Variants in FAM149B1 observed in about 807,000 individuals in gnomAD.
The protein encoded by FAM149B1 is family with sequence similarity 149 member B1.
Under a neutral mutation model 75.3 loss-of-function variants are expected in FAM149B1, and 56 were observed. That is an observed-to-expected ratio of 0.74 (90% CI 0.60 to 0.93). The LOEUF is 0.93. Ranked by LOEUF, FAM149B1 falls within the 40% of genes least tolerant of loss-of-function variation. The probability of loss-of-function intolerance (pLI) is 0.00; values close to 1 mark genes in which losing one functional copy is unlikely to be tolerated. For synonymous variants in FAM149B1, 259 were observed against 256.1 expected (o/e 1.01, Z -0.11); for missense variants, 639 against 708.4 (o/e 0.90, Z 1.11).
chr10:73,205,720 A>C (rs1439245008), intron 5 of FAM149B1, among the ~76,000 whole-genome samples: 1 of 151,830 alleles, frequency 6.6e-6, no homozygotes, highest in Non-Finnish European at 1.5e-5. Context: ...TGCCTGGCTA[A>C]TTTTTGTATT....
At chr10:73,187,057 T>C (rs889739953) in intron 3 of FAM149B1, among the ~76,000 whole-genome samples, 2 of 152,234 alleles carry the variant, frequency 1.3e-5, no homozygotes, top group Admixed American at 1.3e-4. Context: ...TAAAAATTTG[T>C]ATTTCTATAC....
intron 1 of FAM149B1, among the ~76,000 whole-genome samples, chr10:73,172,462 T>G (rs1472185228): frequency 6.6e-6 from 1 of 152,226 alleles, no homozygotes; most frequent in Non-Finnish European, 1.5e-5. Flanking sequence ...GCAGGTTACT[T>G]AATCCCTCTG....
intron 9 of FAM149B1, among the ~76,000 whole-genome samples, chr10:73,232,564 G>A (rs1452918351): frequency 6.6e-6 from 1 of 152,222 alleles, no homozygotes; most frequent in Non-Finnish European, 1.5e-5. Flanking sequence ...ACAAAAGAAT[G>A]CCTCAAACAG....
At chr10:73,207,698 T>C (rs1334897626) in intron 5 of FAM149B1, among the ~76,000 whole-genome samples, 1 of 152,208 alleles carries the variant, frequency 6.6e-6, no homozygotes, top group Non-Finnish European at 1.5e-5. Context: ...AGCCTACCGC[T>C]TGCACCTTGT....
In FAM149B1 at chr10:73,199,046, T is replaced by C. The variant is rs572615131; in HGVS notation, c.542+5453T>C. 3.3e-5 allele frequency among the ~76,000 whole-genome samples: 5 copies of C among 152,324 alleles called. 1 individual carries two copies. The South Asian group carries it at 1.0e-3, about 32-fold the overall frequency. On this transcript the variant is annotated intron_variant, in intron 5 of 13. Coordinates refer to ENST00000242505, the MANE Select transcript of FAM149B1 (RefSeq NM_173348.2). ...GGACTGGTTCCAAATATAAACTCTT[T>C]GTATAAATAAGAAACCTAGCAAAGT...
At chr10:73,169,655 G>A (rs944281824) in intron 1 of FAM149B1, among the ~76,000 whole-genome samples, 5 of 151,860 alleles carry the variant, frequency 3.3e-5, no homozygotes, top group Non-Finnish European at 5.9e-5. Flanking sequence ...GTAGAGACAG[G>A]GTCCCACTAT....
chr10:73,170,546 T>G (rs1272992474), intron 1 of FAM149B1, among the ~76,000 whole-genome samples: 1 of 152,044 alleles, frequency 6.6e-6, no homozygotes, highest in Non-Finnish European at 1.5e-5. Context: ...AAAGTGATGG[T>G]GTGGAGCTTG....
At chr10:73,182,005 T>C (rs550360942) in intron 3 of FAM149B1, among the ~76,000 whole-genome samples, 1 of 152,294 alleles carries the variant, frequency 6.6e-6, no homozygotes, top group South Asian at 2.1e-4. Flanking sequence ...TGACCTTCTT[T>C]ATCTCTTCTT....
rs2043968579 is a variant in FAM149B1, at chr10:73,242,754, T to C, written c.*1735T>C. The C allele has an allele frequency of 6.6e-6, 1 of 152,240 alleles. No homozygotes were observed. Among genetic ancestry groups the C allele is most frequent in the Non-Finnish European group, 1.5e-5 (1 of 68,078 alleles). 9.4% of individuals were successfully genotyped at this position (152,240 alleles called of 1,614,324 possible). Reference sequence around the variant, plus strand: ...AGGGCTATTGTTTTCCCCTTTTCTCTCATCCTAAACACCATTCATATTTTT... The same window carrying C: ...AGGGCTATTGTTTTCCCCTTTTCTCCCATCCTAAACACCATTCATATTTTT... On this transcript the variant is annotated 3_prime_UTR_variant, in exon 14 of 14. Transcript: ENST00000242505.
In FAM149B1 at chr10:73,174,796, TA is replaced by T. The variant is rs1279351400; in HGVS notation, c.152+7del. ...GAAAGACACAAGTTCCCAAAGGTAA[TA>T]ACACAAAGTGTACTTGTTTACTTAT... On this transcript the variant is annotated splice_donor_region_variant and intron_variant, in intron 2 of 13. Transcript: ENST00000242505. The T allele has an allele frequency of 2.0e-6, 3 of 1,526,866 alleles. No individual in the cohort carries two copies. In the East Asian group the frequency reaches 7.4e-5, roughly 37 times the overall value. 94.6% of individuals were successfully genotyped at this position (1,526,866 alleles called of 1,614,324 possible).
At chr10:73,191,862 AAT>A (rs1428934813) in intron 3 of FAM149B1, among the ~76,000 whole-genome samples, 1 of 152,158 alleles carries the variant, frequency 6.6e-6, no homozygotes, top group African/African-American at 2.4e-5. Flanking sequence ...GTTTACAATT[AAT>A]ACTGTATATA....
chr10:73,231,925 T>TAAAAA (rs10693492), intron 9 of FAM149B1, among the ~76,000 whole-genome samples: 28 of 142,054 alleles, frequency 2.0e-4, no homozygotes, highest in African/African-American at 4.9e-4. Context: ...TAGGGTGTGT[T>TAAAAA]AAAAAAAAAA....
At chr10:73,215,130 C>A (rs1472483924) in intron 7 of FAM149B1, among the ~76,000 whole-genome samples, 1 of 152,118 alleles carries the variant, frequency 6.6e-6, no homozygotes, top group Non-Finnish European at 1.5e-5. Flanking sequence ...AAGCCATTCT[C>A]CTGCCTCAGC....
chr10:73,227,412 T>C (rs988546349), intron 7 of FAM149B1, among the ~76,000 whole-genome samples: 2 of 152,170 alleles, frequency 1.3e-5, no homozygotes, highest in Admixed American at 1.3e-4. Flanking sequence ...GGTGTCTTGC[T>C]CTTAGTCATA....
chr10:73,221,225 C>T (rs1480835742), intron 7 of FAM149B1, among the ~76,000 whole-genome samples: 2 of 152,124 alleles, frequency 1.3e-5, no homozygotes, highest in African/African-American at 4.8e-5. Context: ...TTAGAAACCA[C>T]TGAACTGCAT....
chr10:73,168,535 C>A, intron 1 of FAM149B1, 149 bp downstream of exon 1: 1 of 947,806 alleles, frequency 1.1e-6, no homozygotes, highest in Non-Finnish European at 1.5e-6. Flanking sequence ...TGGACCCTGC[C>A]CCTTCTTCCT....
intron 3 of FAM149B1, among the ~76,000 whole-genome samples, chr10:73,184,748 A>G (rs553024766): frequency 1.3e-5 from 2 of 152,352 alleles, no homozygotes; most frequent in South Asian, 4.1e-4. Context: ...AAAGCAAAAT[A>G]TAAACATTTA....
rs113995570 is a variant in FAM149B1 at position 73,239,595 on chromosome 10, A to G, written c.1675+211A>G. ...CTATTGCTCAGAGCCAAAAAGTTTC[A>G]GATTCCTATTTTCTTCATACCATGT... On this transcript the variant is annotated intron_variant, in intron 13 of 13. Coordinates refer to ENST00000242505, the MANE Select transcript of FAM149B1 (RefSeq NM_173348.2). 7.9e-3 allele frequency among the ~76,000 whole-genome samples: 1,202 copies of G among 152,132 alleles called. 15 individuals carry two copies. Among genetic ancestry groups the G allele is most frequent in the African/African-American group, 0.027 (1,136 of 41,514 alleles).
At chr10:73,235,540 C>CA in intron 12 of FAM149B1, 1 of 1,000,922 alleles carries the variant, frequency 1.0e-6, no homozygotes, top group South Asian at 1.8e-5. Context: ...ATATTCTAAG[C>CA]AATTTAACAC....
Sources: allele counts gnomAD v4.1 joint callset (sites outside exome capture counted in the v4.1 genomes callset), GRCh38; gene constraint gnomAD v4.1.1; transcripts MANE v1.5; gene names NCBI Gene and HGNC (gene_info 2026-07-23, HGNC 2026-07-21).